The following PIRT variants were observed in gnomAD, a reference collection of about 807,000 sequenced individuals.
The protein encoded by PIRT is phosphoinositide-interacting protein.
Under a neutral mutation model 7.9 loss-of-function variants are expected in PIRT, and 6 were observed. The ratio of observed to expected loss-of-function variants is 0.76; its 90% CI spans 0.42 to 1.51. The LOEUF is 1.51. PIRT is among the 40% of genes most tolerant of loss of function. PIRT has a pLI of 0.01. For missense variants in PIRT, 170 were observed against 172.9 expected, an observed-to-expected ratio of 0.98 and a Z score of 0.09; for synonymous variants, 78 against 71.8, an observed-to-expected ratio of 1.09 and a Z score of -0.44.
intron 1 of PIRT, among the ~76,000 whole-genome samples, chr17:10,835,311 C>A (rs1056284968): frequency 5.9e-5 from 9 of 152,214 alleles, no homozygotes; most frequent in Non-Finnish European, 1.3e-4. Flanking sequence ...ACGCTAAATG[C>A]TTTGTCTGCA....
rs1905288541 is a variant in PIRT at position 10,825,425 on chromosome 17, C to T, written c.221G>A (p.Cys74Tyr). The T allele has an allele frequency of 1.2e-6, 2 of 1,613,944 alleles. No individual in the cohort carries two copies. Among genetic ancestry groups the T allele is most frequent in the Non-Finnish European group, 8.5e-7 (1 of 1,179,884 alleles). The change falls in exon 2 of 2, where the codon TGC becomes TAC. Residue 74 changes from cysteine to tyrosine, a missense_variant. By Grantham distance (194) the Cys-to-Tyr change is radical (BLOSUM62 -2). Coordinates refer to ENST00000580256, the MANE Select transcript of PIRT (RefSeq NM_001101387.2). ...ACTCAGCTTCAAGGTGTAGGCCAAGCAGGTGATGACCACGCCGAAAAGCAG... is the reference window on the plus strand; with the variant it reads ...ACTCAGCTTCAAGGTGTAGGCCAAGTAGGTGATGACCACGCCGAAAAGCAG... Reference protein sequence around the residue: ...AILLFGVVITCLAYTLKLSDK... With the variant: ...AILLFGVVITYLAYTLKLSDK...
chr17:10,829,955 ATGTC>A (rs201481228), intron 1 of PIRT, among the ~76,000 whole-genome samples: 8 of 145,258 alleles, frequency 5.5e-5, no homozygotes, highest in South Asian at 4.6e-4. Context: ...CACTATGTAG[ATGTC>A]TGTCTGTCTA....
Position 10,825,694 on chromosome 17 carries a change from G to T in PIRT, c.-49C>A. On this transcript the variant is annotated 5_prime_UTR_variant, in exon 2 of 2. Coordinates refer to ENST00000580256, the MANE Select transcript of PIRT (RefSeq NM_001101387.2). ...GGACCAGCAATAGTTGGAAACAAGA[G>T]TGGAGCCAAAGGAATCCTCACACAC... 6.9e-7 allele frequency: 1 copy of T among 1,445,284 alleles called. No homozygotes were observed. The highest frequency in any genetic ancestry group is 2.5e-5 in the East Asian group (1 of 39,968). The allele number at this position is 1,445,284 out of a possible 1,614,324, so 89.5% of individuals were successfully genotyped here.
At position 10,823,787 on chromosome 17, in the gene PIRT, T is replaced by G. The variant is rs184695630; in HGVS notation, c.*1445A>C. The G allele has an allele frequency of 6.6e-6, 1 of 152,128 alleles. No homozygotes were observed. The highest frequency in any genetic ancestry group is 1.5e-5 in the Non-Finnish European group (1 of 68,042). The allele number at this position is 152,128 out of a possible 1,614,324, so 9.4% of individuals were successfully genotyped here. A position where few individuals can be genotyped will look rare whatever the true frequency, so the allele number is the denominator to read the frequency against. Reference sequence around the variant, plus strand: ...GGAAACCCACTTCCCGTCTCTACCATAGACACCAGGAGGCCCTCAATGTGC... The same window carrying G: ...GGAAACCCACTTCCCGTCTCTACCAGAGACACCAGGAGGCCCTCAATGTGC... On this transcript the variant is annotated 3_prime_UTR_variant, in exon 2 of 2. Coordinates refer to ENST00000580256, the MANE Select transcript of PIRT (RefSeq NM_001101387.2).
chr17:10,827,473 T>C lies in PIRT; in HGVS notation c.-138-1690A>G, dbSNP rs1287441742. ...TTCTTTCTTTTTCTTTTCTTTTTTT[T>C]TTTTTTTTTTTTTTTTTTGAAGTGG... On this transcript the variant is annotated intron_variant, in intron 1 of 1. Coordinates refer to ENST00000580256, the MANE Select transcript of PIRT (RefSeq NM_001101387.2). Among the ~76,000 whole-genome samples, 135 of 120,366 alleles carry C rather than the reference T, an allele frequency of 1.1e-3. 3 individuals are homozygous for C. Among genetic ancestry groups the C allele is most frequent in the South Asian group, 5.9e-3 (20 of 3,400 alleles). 79.0% of individuals were successfully genotyped at this position (120,366 alleles called of 152,430 possible).
chr17:10,831,963 C>G (rs1194974538), intron 1 of PIRT, among the ~76,000 whole-genome samples: 2 of 152,190 alleles, frequency 1.3e-5, no homozygotes, highest in Non-Finnish European at 2.9e-5. Flanking sequence ...GACTTAATTA[C>G]AGTACACAAC....
Position 10,823,883 on chromosome 17 carries a change from A to G in PIRT, c.*1349T>C, listed in dbSNP as rs946859476. On this transcript the variant is annotated 3_prime_UTR_variant, in exon 2 of 2. Coordinates refer to ENST00000580256, the MANE Select transcript of PIRT (RefSeq NM_001101387.2). ...CGGGAAAGAGAGGGATGAAGTAAAA[A>G]CATCTGGGAGGTCAGACAAATGGCC... The G allele has an allele frequency of 2.6e-5, 4 of 152,188 alleles. No homozygotes were observed. Among genetic ancestry groups the G allele is most frequent in the African/African-American group, 7.2e-5 (3 of 41,436 alleles). 9.4% of individuals were successfully genotyped at this position (152,188 alleles called of 1,614,324 possible).
chr17:10,828,118 T>C (rs1000520329), intron 1 of PIRT, among the ~76,000 whole-genome samples: 1 of 152,200 alleles, frequency 6.6e-6, no homozygotes, highest in East Asian at 1.9e-4. Flanking sequence ...TCCACTTATA[T>C]AGAAACCACT....
intron 1 of PIRT, among the ~76,000 whole-genome samples, chr17:10,836,261 G>C (rs919663145): frequency 4.6e-5 from 7 of 151,938 alleles, no homozygotes; most frequent in African/African-American, 1.4e-4. Context: ...TTTTCTTCTT[G>C]TTTTCTTCAC....
Position 10,825,566 on chromosome 17 carries a change from G to A in PIRT, c.80C>T (p.Thr27Ile). 6.3e-7 allele frequency: 1 copy of A among 1,592,998 alleles called. No homozygotes were observed. The highest frequency in any genetic ancestry group is 8.6e-7 in the Non-Finnish European group (1 of 1,169,204). Residue 27 changes from threonine (T) to isoleucine (I), a missense_variant, in exon 2 of 2, where the codon ACC becomes ATC. Physicochemically the swap from Thr to Ile is moderately conservative, Grantham distance 89. Transcript: ENST00000580256. ...PEAKDLLPSQTASSLCISSRS... is the reference protein window; with the variant it reads ...PEAKDLLPSQIASSLCISSRS... ...GGAGCTGATGCACAGGGAGCTGGCG[G>A]TCTGGCTGGGCAGCAGGTCCTTGGC...
Position 10,823,487 on chromosome 17 carries a change from G to T in PIRT, c.*1745C>A, listed in dbSNP as rs1400506641. The T allele has an allele frequency of 3.9e-5, 6 of 152,282 alleles. No individual in the cohort carries two copies. The East Asian group carries it at 1.2e-3, about 29-fold the overall frequency. 9.4% of individuals were successfully genotyped at this position (152,282 alleles called of 1,614,324 possible). On this transcript the variant is annotated 3_prime_UTR_variant, in exon 2 of 2. Transcript: ENST00000580256. ...GGATTCTGGCTCTGCATATGGAACTGCCATGCAGGATGGGGATATCTGGAG... is the reference window on the plus strand; with the variant it reads ...GGATTCTGGCTCTGCATATGGAACTTCCATGCAGGATGGGGATATCTGGAG...
At chr17:10,827,455 T>TC (rs1905351946) in intron 1 of PIRT, among the ~76,000 whole-genome samples, 1 of 142,516 alleles carries the variant, frequency 7.0e-6, no homozygotes, top group Non-Finnish European at 1.5e-5. Context: ...CTTTTCTTTC[T>TC]TTTTCTTTTC....
At chr17:10,833,607 A>T (rs1905514781) in intron 1 of PIRT, among the ~76,000 whole-genome samples, 1 of 152,130 alleles carries the variant, frequency 6.6e-6, no homozygotes, top group African/African-American at 2.4e-5. Flanking sequence ...ACAAAAAATC[A>T]GCTGGGTGTG....
chr17:10,828,486 T>C (rs1037833538), intron 1 of PIRT, among the ~76,000 whole-genome samples: 10 of 152,148 alleles, frequency 6.6e-5, no homozygotes, highest in African/African-American at 2.2e-4. Flanking sequence ...ATATCTCTAT[T>C]TATGAGTGGG....
chr17:10,826,009 C>T (rs7215479), intron 1 of PIRT, among the ~76,000 whole-genome samples: 18,395 of 151,838 alleles, frequency 0.12, 1,330 homozygotes, highest in African/African-American at 0.2. Flanking sequence ...GTCACCCAGG[C>T]TGGAGTGCAG....
At chr17:10,828,566 T>C (rs549870611) in intron 1 of PIRT, among the ~76,000 whole-genome samples, 40 of 152,284 alleles carry the variant, frequency 2.6e-4, no homozygotes, top group African/African-American at 9.6e-4. Context: ...CTGGTCACCA[T>C]GAAACCTTGG....
At chr17:10,836,297 A>G (rs982436597) in intron 1 of PIRT, among the ~76,000 whole-genome samples, 1 of 151,704 alleles carries the variant, frequency 6.6e-6, no homozygotes, top group African/African-American at 2.4e-5. Context: ...CTACCACCCT[A>G]CACCTGTACA....
intron 1 of PIRT, among the ~76,000 whole-genome samples, chr17:10,826,949 A>G (rs1905333108): frequency 6.6e-6 from 1 of 151,986 alleles, no homozygotes; most frequent in Non-Finnish European, 1.5e-5. Flanking sequence ...AGTAGTGGGG[A>G]TTACAGGCAT....
chr17:10,825,917 A>T, intron 1 of PIRT, 134 bp from the exon 2 acceptor site: 1 of 304,582 alleles, frequency 3.3e-6, no homozygotes, highest in African/African-American at 2.1e-5. Flanking sequence ...AAAACAAGGA[A>T]CAGTGATGCC....
Sources: gnomAD v4.1 joint callset for allele counts (sites outside exome capture counted in the v4.1 genomes callset) on GRCh38, gnomAD v4.1.1 for gene constraint, MANE v1.5 for transcripts, NCBI Gene and HGNC (gene_info 2026-07-23, HGNC 2026-07-21) for gene names.